PRPS1: variants seen among roughly 807,000 people sequenced by gnomAD.
The protein encoded by PRPS1 is phosphoribosyl pyrophosphate synthetase 1.
Under a neutral mutation model 16.9 loss-of-function variants are expected in PRPS1, and 1 was observed. The observed-to-expected ratio is 0.06, with a 90% CI of 0.02 to 0.28. PRPS1 has a LOEUF of 0.28. Ranked by LOEUF, PRPS1 falls within the 10% of genes least tolerant of loss-of-function variation. The probability of loss-of-function intolerance (pLI) is 1.00; values close to 1 mark genes in which losing one functional copy is unlikely to be tolerated. For synonymous variants in PRPS1, 70 were observed against 90.2 expected (o/e 0.78, Z 1.27); for missense variants, 47 against 254.0 (o/e 0.19, Z 5.54).
chrX:107,635,950 C>T (rs1297428210), intron 1 of PRPS1, among the ~76,000 whole-genome samples: 1 of 106,017 alleles, frequency 9.4e-6, no homozygotes, highest in African/African-American at 3.5e-5. Flanking sequence ...GTTCCAGCTA[C>T]TCGGGAGGCT....
chrX:107,646,012 C>T (rs1277491620), intron 5 of PRPS1, among the ~76,000 whole-genome samples: 1 of 111,182 alleles, frequency 9.0e-6, no homozygotes, highest in Non-Finnish European at 1.9e-5. Context: ...AACTGAGGCT[C>T]GATCCCATCA....
At chrX:107,645,491 A>C in intron 5 of PRPS1, 141 bp downstream of exon 5, 2 of 692,327 alleles carry the variant, frequency 2.9e-6, no homozygotes, top group Non-Finnish European at 4.4e-6. Flanking sequence ...CCAAGGCTTA[A>C]ATTATAATAC....
At chrX:107,637,314 T>A (rs2147680186) in intron 1 of PRPS1, among the ~76,000 whole-genome samples, 1 of 111,529 alleles carries the variant, frequency 9.0e-6, no homozygotes, top group Admixed American at 9.6e-5. Flanking sequence ...GACCACATTT[T>A]ATTCACCATT....
chrX:107,631,446 T>G (rs1925307013), intron 1 of PRPS1, among the ~76,000 whole-genome samples: 1 of 111,963 alleles, frequency 8.9e-6, no homozygotes, highest in Non-Finnish European at 1.9e-5. Context: ...TGCCATAATT[T>G]TATATAACCA....
rs1379100466 is a variant in PRPS1, at chrX:107,650,948, G to T, written c.*916G>T. 1 of 234,513 alleles carries T rather than the reference G, an allele frequency of 4.3e-6. No individual in the cohort carries two copies. The highest frequency in any genetic ancestry group is 7.6e-6 in the Non-Finnish European group (1 of 130,765). 19.3% of individuals were successfully genotyped at this position (234,513 alleles called of 1,213,427 possible). A position where few individuals can be genotyped will look rare whatever the true frequency, so the allele number is the denominator to read the frequency against. On this transcript the variant is annotated 3_prime_UTR_variant, in exon 7 of 7. Coordinates refer to ENST00000372435, the MANE Select transcript of PRPS1 (RefSeq NM_002764.4). ...TTTGGATCTATTTGGCCTCTCAAAT[G>T]AACTGAGATTCCTGTTAAAAAAGAT...
intron 6 of PRPS1, 24 bp from the exon 7 acceptor site, chrX:107,649,916 T>C: frequency 8.3e-7 from 1 of 1,211,784 alleles, no homozygotes; most frequent in East Asian, 3.0e-5. Flanking sequence ...GATAGTAACC[T>C]GATTTCCTTT....
intron 6 of PRPS1, 83 bp downstream of exon 6, chrX:107,647,848 T>C (rs1179925774): frequency 9.7e-7 from 1 of 1,029,608 alleles, no homozygotes; most frequent in African/African-American, 1.9e-5. Context: ...CTCTGGATTC[T>C]GAAGATATCT....
intron 4 of PRPS1, among the ~76,000 whole-genome samples, chrX:107,644,846 G>C (rs1488763554): frequency 9.2e-6 from 1 of 109,162 alleles, no homozygotes; most frequent in Non-Finnish European, 1.9e-5. Flanking sequence ...ACAGAGTCTC[G>C]CTCTGTCACC....
chrX:107,646,022 A>G lies in PRPS1; in HGVS notation c.704+672A>G, dbSNP rs775390563. On this transcript the variant is annotated intron_variant, in intron 5 of 6. Coordinates refer to ENST00000372435, the MANE Select transcript of PRPS1 (RefSeq NM_002764.4). ...CCTGCAACTGAGGCTCGATCCCATCACTCTTTAAGATTTTAAGTGGCCCCT... is the reference window on the plus strand; with the variant it reads ...CCTGCAACTGAGGCTCGATCCCATCGCTCTTTAAGATTTTAAGTGGCCCCT... 6.3e-5 allele frequency among the ~76,000 whole-genome samples: 7 copies of G among 110,810 alleles called. No individual in the cohort carries two copies. In the East Asian group the frequency reaches 2.0e-3, roughly 31 times the overall value.
intron 1 of PRPS1, among the ~76,000 whole-genome samples, chrX:107,636,885 C>G (rs772072973): frequency 2.7e-5 from 3 of 112,178 alleles, no homozygotes; most frequent in South Asian, 3.7e-4. Flanking sequence ...GTAGGTAGTT[C>G]CTGAAGCCAC....
At chrX:107,649,797 G>A in intron 6 of PRPS1, 143 bp from the exon 7 acceptor site, 1 of 1,075,580 alleles carries the variant, frequency 9.3e-7, no homozygotes, top group East Asian at 3.1e-5. Context: ...GAATAGCTGA[G>A]TGCAGCCTCA....
rs1033858663 is a variant in PRPS1, at chrX:107,647,916, A to G, written c.864+151A>G. 6.3e-6 allele frequency: 4 copies of G among 635,407 alleles called. No homozygotes were observed. In the African/African-American group the frequency reaches 7.0e-5, roughly 11 times the overall value. 52.4% of individuals were successfully genotyped at this position (635,407 alleles called of 1,213,427 possible). ...AGAATTTGTGATCCAAAAGTTAACA[A>G]TCACCTGTTTCTTTTCCTTTTTTTT... On this transcript the variant is annotated intron_variant, in intron 6 of 6. Coordinates refer to ENST00000372435, the MANE Select transcript of PRPS1 (RefSeq NM_002764.4).
rs1427996658 is a variant in PRPS1, at chrX:107,650,154, T to A, written c.*122T>A. 3.0e-5 allele frequency: 34 copies of A among 1,145,978 alleles called. No individual in the cohort carries two copies. Among genetic ancestry groups the A allele is most frequent in the Non-Finnish European group, 3.5e-5 (30 of 852,562 alleles). 94.4% of individuals were successfully genotyped at this position (1,145,978 alleles called of 1,213,427 possible). Reference sequence around the variant, plus strand: ...CCAGTGTAGCTTTCTACATCCCACATCAGGTATATTAGAGCTTATCCGAAC... The same window carrying A: ...CCAGTGTAGCTTTCTACATCCCACAACAGGTATATTAGAGCTTATCCGAAC... On this transcript the variant is annotated 3_prime_UTR_variant, in exon 7 of 7. Transcript: ENST00000372435.
chrX:107,634,422 G>T (rs1394854500), intron 1 of PRPS1, among the ~76,000 whole-genome samples: 1 of 104,028 alleles, frequency 9.6e-6, no homozygotes, highest in Non-Finnish European at 2.0e-5. Context: ...TAGTAGAGAC[G>T]GGGTTTCACC....
intron 1 of PRPS1, among the ~76,000 whole-genome samples, chrX:107,638,984 C>T (rs907866151): frequency 8.9e-6 from 1 of 112,267 alleles, no homozygotes; most frequent in East Asian, 2.8e-4. Flanking sequence ...ATCCACCCAC[C>T]TTGGCCTGCC....
chrX:107,638,843 G>A (rs1300784185), intron 1 of PRPS1, among the ~76,000 whole-genome samples: 1 of 110,534 alleles, frequency 9.0e-6, no homozygotes, highest in African/African-American at 3.3e-5. Flanking sequence ...AGCGATTCTC[G>A]TGCCTCAGCC....
chrX:107,647,468 TATA>T lies in PRPS1; in HGVS notation c.705-134_705-132del, dbSNP rs1925723329. ...ATTTTTCCCCTAACCCACTGTGCCTTATAATATTTTTTATTTTTTTATTTTTTT... is the reference window on the plus strand; with the variant it reads ...ATTTTTCCCCTAACCCACTGTGCCTTATATTTTTTATTTTTTTATTTTTTT... On this transcript the variant is annotated intron_variant, in intron 5 of 6. Coordinates refer to ENST00000372435, the MANE Select transcript of PRPS1 (RefSeq NM_002764.4). 5 of 705,552 alleles carry T rather than the reference TATA, an allele frequency of 7.1e-6. No individual in the cohort carries two copies. In the South Asian group the frequency reaches 8.8e-5, roughly 12 times the overall value. The allele number at this position is 705,552 out of a possible 1,213,427, so 58.1% of individuals were successfully genotyped here. A position where few individuals can be genotyped will look rare whatever the true frequency, so the allele number is the denominator to read the frequency against.
intron 1 of PRPS1, among the ~76,000 whole-genome samples, chrX:107,638,723 ATATTT>A (rs749021712): frequency 8.0e-4 from 87 of 108,663 alleles, no homozygotes; most frequent in African/African-American, 1.9e-3. Flanking sequence ...GCCCTCCCAT[ATATTT>A]TATTTTATTT....
rs990796714 is a variant in PRPS1, at chrX:107,640,105, G to A, written c.306+627G>A. Among the ~76,000 whole-genome samples the A allele has an allele frequency of 3.5e-5, 4 of 112,927 alleles. No homozygotes were observed. The East Asian group carries it at 1.1e-3, about 31-fold the overall frequency. ...TGCAATCCTAGCACTTTGGGAGGCC[G>A]AGGCGGGAGGATTGCCTGAGCTCAG... On this transcript the variant is annotated intron_variant, in intron 2 of 6. Coordinates refer to ENST00000372435, the MANE Select transcript of PRPS1 (RefSeq NM_002764.4).
Sources: allele counts gnomAD v4.1 joint callset (sites outside exome capture counted in the v4.1 genomes callset), GRCh38; gene constraint gnomAD v4.1.1; transcripts MANE v1.5; gene names NCBI Gene and HGNC (gene_info 2026-07-23, HGNC 2026-07-21).